FAP: variants seen among roughly 807,000 people sequenced by gnomAD.
The protein encoded by FAP is prolyl endopeptidase FAP.
FAP carries 110 observed loss-of-function variants against 126.5 expected under a neutral mutation model. That is an observed-to-expected ratio of 0.87 (90% CI 0.74 to 1.02). The LOEUF is 1.02. FAP is among the 50% of genes least tolerant of loss of function. FAP has a pLI of 0.00. For synonymous variants in FAP, 334 were observed against 297.3 expected (o/e 1.12, Z -1.27); for missense variants, 919 against 909.2 (o/e 1.01, Z -0.14).
intron 12 of FAP, among the ~76,000 whole-genome samples, chr2:162,205,347 C>T (rs1688662998): frequency 6.6e-6 from 1 of 152,052 alleles, no homozygotes; most frequent in African/African-American, 2.4e-5. Flanking sequence ...AAATTAATAA[C>T]CAAGAGGCCC....
chr2:162,229,458 T>C (rs569385417), intron 2 of FAP, among the ~76,000 whole-genome samples: 1 of 152,304 alleles, frequency 6.6e-6, no homozygotes, highest in South Asian at 2.1e-4. Context: ...AATTGAGCTT[T>C]ACTTTTATTC....
chr2:162,192,266 T>C (rs1166293215), intron 17 of FAP, among the ~76,000 whole-genome samples: 1 of 152,112 alleles, frequency 6.6e-6, no homozygotes, highest in African/African-American at 2.4e-5. Flanking sequence ...CTGAAATGGC[T>C]CTGACCAAGC....
At chr2:162,229,982 C>G (rs999459132) in intron 2 of FAP, among the ~76,000 whole-genome samples, 1 of 152,114 alleles carries the variant, frequency 6.6e-6, no homozygotes, top group African/African-American at 2.4e-5. Flanking sequence ...TCCAGATAAG[C>G]CAGCTACATG....
In FAP at chr2:162,219,881, A is replaced by T; in HGVS notation, c.458T>A (p.Leu153Ter). 1 of 1,612,628 alleles carries T rather than the reference A, an allele frequency of 6.2e-7. No homozygotes were observed. Among genetic ancestry groups the T allele is most frequent in the Non-Finnish European group, 8.5e-7 (1 of 1,178,784 alleles). ...GNELPRPIQYLCWSPVGSKLA... is the reference protein window; with the variant it reads ...GNELPRPIQY Reference sequence around the variant, plus strand: ...TTTACTCCCAACAGGCGACCAGCATAAATACTGAATTGGACGAGGAAGCTC... The same window carrying T: ...TTTACTCCCAACAGGCGACCAGCATTAATACTGAATTGGACGAGGAAGCTC... The change falls in exon 7 of 26, where the codon TTA becomes TAA. Residue 153 changes from leucine (L) to a stop codon, truncating the protein, a stop_gained. Coordinates refer to ENST00000188790, the MANE Select transcript of FAP (RefSeq NM_004460.5). LOFTEE classifies it high-confidence loss of function.
At chr2:162,229,833 C>T (rs980065315) in intron 2 of FAP, among the ~76,000 whole-genome samples, 1 of 145,870 alleles carries the variant, frequency 6.9e-6, no homozygotes. Context: ...TGCCAACAAT[C>T]GATATAGAGA....
In FAP at chr2:162,198,745, T is replaced by A; in HGVS notation, c.1402+12A>T. 6.2e-7 allele frequency: 1 copy of A among 1,613,890 alleles called. No homozygotes were observed. On this transcript the variant is annotated intron_variant, in intron 16 of 25. Transcript: ENST00000188790. ...GTGGGGATGCTGTGCTTATGTGAGG[T>A]CCGTTACCTACCGTAGCAGACAAGT...
At chr2:162,236,126 C>T (rs1690119233) in intron 2 of FAP, among the ~76,000 whole-genome samples, 1 of 152,112 alleles carries the variant, frequency 6.6e-6, no homozygotes, top group South Asian at 2.1e-4. Flanking sequence ...AAATGATAAA[C>T]CAACCTTGTA....
rs546840764 is a variant in FAP at position 162,243,396 on chromosome 2, C to A, written c.-69G>T. On this transcript the variant is annotated 5_prime_UTR_variant, in exon 1 of 26. Coordinates refer to ENST00000188790, the MANE Select transcript of FAP (RefSeq NM_004460.5). ...CGTGGGTCACTGGATCTGTGAAAAC[C>A]GTTGAAAAGGACCAAGTCTGTCTTT... 2 of 1,576,702 alleles carry A rather than the reference C, an allele frequency of 1.3e-6. No homozygotes were observed. Among genetic ancestry groups the A allele is most frequent in the African/African-American group, 2.8e-5 (2 of 72,402 alleles).
chr2:162,204,357 C>A (rs1392783029), intron 12 of FAP, among the ~76,000 whole-genome samples: 1 of 152,030 alleles, frequency 6.6e-6, no homozygotes, highest in East Asian at 1.9e-4. Flanking sequence ...GACTGAGTTC[C>A]CCAAAAATTC....
intron 9 of FAP, among the ~76,000 whole-genome samples, chr2:162,217,213 G>A (rs1303416117): frequency 6.6e-6 from 1 of 152,146 alleles, no homozygotes; most frequent in East Asian, 1.9e-4. Flanking sequence ...GTCCAGCCAC[G>A]ACAATATTCC....
At position 162,223,632 on chromosome 2, in the gene FAP, T is replaced by C; in HGVS notation, c.389A>G (p.Tyr130Cys). The change falls in exon 6 of 26, where the codon TAT (tyrosine) becomes TGT (cysteine). Residue 130 changes from tyrosine (Y) to cysteine (C), a missense_variant. Physicochemically the swap from Tyr to Cys is radical, Grantham distance 194. Coordinates refer to ENST00000188790, the MANE Select transcript of FAP (RefSeq NM_004460.5). ...KLWRYSYTAT[Y>C]YIYDLSNGEF... The stretch of plus-strand genomic sequence containing the variant: ...CCCATTGCTAAGGTCATAGATGTAA[T>C]ATGTTGCTGTGTAAGAGTATCTCCA... 1.2e-6 allele frequency: 2 copies of C among 1,609,264 alleles called. No homozygotes were observed. Among genetic ancestry groups the C allele is most frequent in the Non-Finnish European group, 1.7e-6 (2 of 1,175,890 alleles).
chr2:162,213,672 A>G (rs577332371), intron 11 of FAP, among the ~76,000 whole-genome samples: 1 of 152,226 alleles, frequency 6.6e-6, no homozygotes, highest in South Asian at 2.1e-4. Context: ...TGAGAACCAG[A>G]TATCTGATTT....
chr2:162,205,380 C>T (rs1261663682), intron 12 of FAP, among the ~76,000 whole-genome samples: 1 of 152,150 alleles, frequency 6.6e-6, no homozygotes, highest in Non-Finnish European at 1.5e-5. Flanking sequence ...CTCTGATTAA[C>T]AATTTTGTGG....
At chr2:162,213,340 C>T (rs1334224698) in intron 11 of FAP, among the ~76,000 whole-genome samples, 3 of 149,936 alleles carry the variant, frequency 2.0e-5, no homozygotes, top group African/African-American at 7.4e-5. Flanking sequence ...TGCGCCACTG[C>T]ACTCCAGCCT....
chr2:162,235,245 C>G (rs1006688532), intron 2 of FAP, among the ~76,000 whole-genome samples: 1 of 150,464 alleles, frequency 6.6e-6, no homozygotes, highest in Non-Finnish European at 1.5e-5. Context: ...ACAAGCACTT[C>G]CCCCTGCTCC....
At chr2:162,219,997 C>T in intron 6 of FAP, 72 bp from the exon 7 acceptor site, 17 of 1,025,786 alleles carry the variant, frequency 1.7e-5, no homozygotes, top group Non-Finnish European at 2.6e-5. Flanking sequence ...TCTGTATGAA[C>T]AGAAAAAATA....
At chr2:162,236,917 A>G (rs776189416) in intron 2 of FAP, among the ~76,000 whole-genome samples, 2 of 152,150 alleles carry the variant, frequency 1.3e-5, no homozygotes, top group Non-Finnish European at 2.9e-5. Context: ...TTTTTAACAT[A>G]CAATTGTTAT....
At chr2:162,181,098 A>T (rs1687681846) in intron 21 of FAP, among the ~76,000 whole-genome samples, 1 of 151,964 alleles carries the variant, frequency 6.6e-6, no homozygotes, top group African/African-American at 2.4e-5. Context: ...AACATGACAA[A>T]ATCTTGTCTC....
At chr2:162,177,722 T>G (rs1190207485) in intron 21 of FAP, among the ~76,000 whole-genome samples, 2 of 152,174 alleles carry the variant, frequency 1.3e-5, no homozygotes, top group African/African-American at 2.4e-5. Context: ...ATCTTGTTTA[T>G]TGTCTTTCTC....
Sources: gnomAD v4.1 joint callset for allele counts (sites outside exome capture counted in the v4.1 genomes callset) on GRCh38, gnomAD v4.1.1 for gene constraint, MANE v1.5 for transcripts, NCBI Gene and HGNC (gene_info 2026-07-23, HGNC 2026-07-21) for gene names.